DST: variants seen among roughly 807,000 people sequenced by gnomAD.
DST encodes the protein bullous pemphigoid antigen.
Under a neutral mutation model 875.2 loss-of-function variants are expected in DST, and 253 were observed. That is an observed-to-expected ratio of 0.29 (90% CI 0.26 to 0.32). The LOEUF is 0.32. DST is among the 10% of genes least tolerant of loss of function. DST has a pLI of 1.00. For missense variants in DST, 8,287 were observed against 9,111.6 expected (o/e 0.91, Z 3.68); for synonymous variants, 3,124 against 3,197.1 (o/e 0.98, Z 0.77).
chr6:56,722,576 G>T (rs1319812512), intron 5 of DST, among the ~76,000 whole-genome samples: 1 of 152,100 alleles, frequency 6.6e-6, no homozygotes, highest in Non-Finnish European at 1.5e-5. Context: ...TAGAGACAGG[G>T]TTTCACCATG....
At chr6:56,908,098 T>TACAC (rs66523804) in intron 2 of DST, among the ~76,000 whole-genome samples, 19 of 150,498 alleles carry the variant, frequency 1.3e-4, no homozygotes, top group African/African-American at 3.9e-4. Context: ...TATATATATA[T>TACAC]ACACACACAC....
intron 2 of DST, among the ~76,000 whole-genome samples, chr6:56,924,296 A>G (rs904044280): frequency 1.3e-5 from 2 of 152,204 alleles, no homozygotes; most frequent in Non-Finnish European, 2.9e-5. Flanking sequence ...AGTTGGAACG[A>G]TAAACATAAA....
At chr6:56,903,700 T>G (rs1347010999) in intron 2 of DST, among the ~76,000 whole-genome samples, 2 of 152,170 alleles carry the variant, frequency 1.3e-5, no homozygotes, top group Admixed American at 6.5e-5. Flanking sequence ...CCTCATGATC[T>G]GCCCAGCTCA....
At chr6:56,582,653 G>A (rs1192058405) in intron 49 of DST, among the ~76,000 whole-genome samples, 1 of 150,760 alleles carries the variant, frequency 6.6e-6, no homozygotes, top group Admixed American at 6.6e-5. Context: ...GTGCAGGTTA[G>A]TTACATATGT....
At chr6:56,583,857 C>T (rs2098082279) in intron 49 of DST, among the ~76,000 whole-genome samples, 1 of 152,170 alleles carries the variant, frequency 6.6e-6, no homozygotes, top group African/African-American at 2.4e-5. Flanking sequence ...ATAGGGAATC[C>T]TTTCCCCATT....
chr6:56,826,197 C>T (rs1294892408), intron 4 of DST, among the ~76,000 whole-genome samples: 3 of 152,122 alleles, frequency 2.0e-5, no homozygotes, highest in Non-Finnish European at 4.4e-5. Context: ...GCCATAATGG[C>T]CCACCTCAGC....
rs1583543945 is a variant in DST, at chr6:56,511,229, C to T, written c.18748G>A (p.Ala6250Thr). ...IKEDVKKRAV[A>T]LDEAISQSTQ... The stretch of plus-strand genomic sequence containing the variant: ...GATTGAGAAATGGCTTCATCCAGTG[C>T]CACAGCACGCTTTTTGACATCTTCT... Residue 6250 changes from alanine to threonine, a missense_variant, in exon 73 of 104, where the codon GCA becomes ACA. Physicochemically the swap from Ala to Thr is moderately conservative, Grantham distance 58. Transcript: ENST00000680361. 6.3e-7 allele frequency: 1 copy of T among 1,589,540 alleles called. No homozygotes were observed. Among genetic ancestry groups the T allele is most frequent in the Non-Finnish European group, 8.6e-7 (1 of 1,166,516 alleles).
chr6:56,532,384 C>T lies in DST; in HGVS notation c.17068G>A (p.Asp5690Asn). The change falls in exon 64 of 104, where the codon GAT becomes AAT. Residue 5690 changes from aspartate (D) to asparagine (N), a missense_variant. Physicochemically the swap from Asp to Asn is conservative, Grantham distance 23. Around this residue, in one of 10 missense-constraint regions of DST, gnomAD observed 777 missense variants for 764.8 expected, o/e 1.02. Transcript: ENST00000680361. ...VKILKQLSLL[D>N]SRWEALLNKA... ...TTAAGCAATGCCTCCCATCTGCTAT[C>T]CAAGAGACTGAGCTGTTTCAAAATC... is the stretch of plus-strand genomic sequence containing the variant. 4 of 1,613,678 alleles carry T rather than the reference C, an allele frequency of 2.5e-6. No homozygotes were observed. The highest frequency in any genetic ancestry group is 3.4e-6 in the Non-Finnish European group (4 of 1,179,688).
intron 5 of DST, among the ~76,000 whole-genome samples, chr6:56,721,816 C>G (rs1323097764): frequency 6.6e-6 from 1 of 152,194 alleles, no homozygotes; most frequent in Admixed American, 6.5e-5. Context: ...GAAGACCATC[C>G]TGTCTTCACC....
intron 4 of DST, among the ~76,000 whole-genome samples, chr6:56,739,138 G>C (rs762285034): frequency 2.3e-4 from 34 of 147,852 alleles, no homozygotes; most frequent in Non-Finnish European, 4.6e-4. Context: ...ATGCTGCAAT[G>C]CCTCTATGCG....
intron 9 of DST, among the ~76,000 whole-genome samples, chr6:56,679,078 A>G (rs1033765134): frequency 3.3e-5 from 5 of 152,110 alleles, no homozygotes; most frequent in Non-Finnish European, 7.3e-5. Context: ...GTAGGCATCC[A>G]TTCCAGCTAA....
At chr6:56,712,446 G>C (rs114665536) in intron 5 of DST, among the ~76,000 whole-genome samples, 1,731 of 152,240 alleles carry the variant, frequency 0.011, 28 homozygotes, top group African/African-American at 0.039. Flanking sequence ...ACGTGTCTAA[G>C]GAGAAAACCT....
At chr6:56,667,916 A>G (rs1156611006) in intron 10 of DST, among the ~76,000 whole-genome samples, 2 of 151,856 alleles carry the variant, frequency 1.3e-5, no homozygotes, top group African/African-American at 4.8e-5. Context: ...TGTTTTTAAA[A>G]GTAGGGGTTT....
Position 56,627,258 on chromosome 6 carries a change from C to G in DST, c.4668G>C (p.Gln1556His), listed in dbSNP as rs1156248066. The part of the protein sequence containing the change: ...KMLVSEIEMK[Q>H]SKMDECQKYA... ...ATTTTTGACACTCGTCCATTTTGCT[C>G]TGTTTCATTTCTATTTCGGACACCA... Residue 1556 changes from glutamine (Q) to histidine (H), a missense_variant, in exon 34 of 104, where the codon CAG becomes CAC. Coordinates refer to ENST00000680361, the MANE Select transcript of DST (RefSeq NM_001374736.1). The G allele has an allele frequency of 6.2e-7, 1 of 1,612,942 alleles. No homozygotes were observed. Among genetic ancestry groups the G allele is most frequent in the Non-Finnish European group, 8.5e-7 (1 of 1,179,372 alleles).
At chr6:56,683,176 A>G (rs2099164757) in intron 9 of DST, among the ~76,000 whole-genome samples, 1 of 152,212 alleles carries the variant, frequency 6.6e-6, no homozygotes, top group Admixed American at 6.5e-5. Context: ...CTCTCTTCCC[A>G]CTATCAACTT....
chr6:56,902,415 T>G (rs560632872), intron 2 of DST, among the ~76,000 whole-genome samples: 1 of 152,294 alleles, frequency 6.6e-6, no homozygotes, highest in South Asian at 2.1e-4. Context: ...AAGATAAATG[T>G]GTACAGTGGG....
chr6:56,492,869 TCA>T, intron 84 of DST, 63 bp downstream of exon 84: 1 of 1,041,478 alleles, frequency 9.6e-7, no homozygotes, highest in Admixed American at 3.4e-5. Context: ...AGACTCAGTC[TCA>T]AAAAAAAAAA....
intron 36 of DST, chr6:56,618,059 T>C: frequency 6.2e-7 from 1 of 1,614,184 alleles, no homozygotes; most frequent in Non-Finnish European, 8.5e-7. Flanking sequence ...TGGTCTAGAA[T>C]TGTTCAGGGC....
Position 56,546,683 on chromosome 6 carries a change from AATG to A in DST, c.16608+5498_16608+5500del, listed in dbSNP as rs534356258. On this transcript the variant is annotated intron_variant, in intron 61 of 103. Transcript: ENST00000680361. ...TCCTTATCCTACATTGTTATTAATG[AATG>A]ATTAGAGACCTAGATAAACATTTAC... is the stretch of plus-strand genomic sequence containing the variant. Among the ~76,000 whole-genome samples, 271 of 152,146 alleles carry A rather than the reference AATG, an allele frequency of 1.8e-3. 1 individual carries two copies. Among genetic ancestry groups the A allele is most frequent in the Non-Finnish European group, 2.9e-3 (195 of 67,976 alleles).
Sources: gnomAD v4.1 joint callset for allele counts (sites outside exome capture counted in the v4.1 genomes callset) on GRCh38, gnomAD v4.1.1 for gene constraint, gnomAD v4.1.1 regional missense constraint, MANE v1.5 for transcripts, NCBI Gene and HGNC (gene_info 2026-07-23, HGNC 2026-07-21) for gene names.